NKAIN3: variants seen among roughly 807,000 people sequenced by gnomAD.
NKAIN3 encodes the protein sodium/potassium-transporting ATPase subunit beta-1-interacting protein 3.
A neutral mutation model predicts 30.2 loss-of-function variants in NKAIN3; 25 were observed. That is an observed-to-expected ratio of 0.83 (90% CI 0.60 to 1.16). The LOEUF (loss-of-function observed/expected upper bound fraction) is 1.16, where lower values mean the gene tolerates loss of function less well. NKAIN3 is among the 50% of genes most tolerant of loss of function. NKAIN3 has a pLI of 0.00. For missense variants in NKAIN3, 225 were observed against 254.1 expected, an observed-to-expected ratio of 0.89 and a Z score of 0.78; for synonymous variants, 91 against 89.6, an observed-to-expected ratio of 1.02 and a Z score of -0.09.
chr8:62,659,108 G>A (rs1224061508), intron 3 of NKAIN3, among the ~76,000 whole-genome samples: 5 of 152,014 alleles, frequency 3.3e-5, no homozygotes, highest in Non-Finnish European at 5.9e-5. Context: ...TTCGTCACTG[G>A]GCTTGACTAT....
chr8:62,288,304 C>G (rs1338261078), intron 1 of NKAIN3, among the ~76,000 whole-genome samples: 1 of 152,130 alleles, frequency 6.6e-6, no homozygotes, highest in Non-Finnish European at 1.5e-5. Context: ...ATGTTTGTTA[C>G]AAATGTATAC....
At chr8:62,285,915 C>A (rs1813365934) in intron 1 of NKAIN3, among the ~76,000 whole-genome samples, 1 of 152,144 alleles carries the variant, frequency 6.6e-6, no homozygotes. Context: ...ACAATTGAAT[C>A]TGTGTATTAT....
chr8:62,800,809 G>A lies in NKAIN3; in HGVS notation c.471+53680G>A, dbSNP rs368992017. The stretch of plus-strand genomic sequence containing the variant: ...CACCATGCGCAAGCTGAAGCAGGGC[G>A]AGGCATTGCCTCACTCGGGAAGTGC... On this transcript the variant is annotated intron_variant, in intron 4 of 6. Coordinates refer to ENST00000623646, the MANE Select transcript of NKAIN3 (RefSeq NM_001304533.3). Among the ~76,000 whole-genome samples, 28 of 152,330 alleles carry A rather than the reference G, an allele frequency of 1.8e-4. No homozygotes were observed. The East Asian group carries it at 3.9e-3, about 21-fold the overall frequency.
At chr8:62,815,975 G>A (rs114145976) in intron 4 of NKAIN3, among the ~76,000 whole-genome samples, 1,613 of 152,190 alleles carry the variant, frequency 0.011, 22 homozygotes, top group South Asian at 0.031. Flanking sequence ...GTACTCCCTT[G>A]TTTCTCACTG....
In NKAIN3 at chr8:62,248,909, C is replaced by G. The variant is rs913890826; in HGVS notation, c.-165C>G. 1 of 591,042 alleles carries G rather than the reference C, an allele frequency of 1.7e-6. No homozygotes were observed. Among genetic ancestry groups the G allele is most frequent in the Non-Finnish European group, 2.8e-6 (1 of 355,560 alleles). 36.6% of individuals were successfully genotyped at this position (591,042 alleles called of 1,614,324 possible). ...GACCTCGGCCCGCCCCGCCGGGAAA[C>G]TAACAAAGGCGGGCGCGAGCCCCGA... On this transcript the variant is annotated 5_prime_UTR_variant, in exon 1 of 7. Transcript: ENST00000623646.
At chr8:62,915,492 G>A (rs1174321975) in intron 4 of NKAIN3, among the ~76,000 whole-genome samples, 1 of 152,166 alleles carries the variant, frequency 6.6e-6, no homozygotes, top group East Asian at 1.9e-4. Flanking sequence ...CAGCCCTGCT[G>A]ACACCTTGAT....
intron 4 of NKAIN3, among the ~76,000 whole-genome samples, chr8:62,767,311 C>A (rs990519110): frequency 3.9e-5 from 6 of 152,102 alleles, no homozygotes; most frequent in Non-Finnish European, 7.4e-5. Context: ...CTCAATGACT[C>A]TTAACTATTG....
At chr8:62,934,912 G>C (rs932048222) in intron 5 of NKAIN3, among the ~76,000 whole-genome samples, 11 of 152,100 alleles carry the variant, frequency 7.2e-5, no homozygotes, top group African/African-American at 2.7e-4. Flanking sequence ...CTGAGCACCA[G>C]GCATTGACCT....
chr8:62,442,361 T>G (rs1805354435), intron 1 of NKAIN3, among the ~76,000 whole-genome samples: 2 of 152,030 alleles, frequency 1.3e-5, no homozygotes, highest in African/African-American at 4.8e-5. Context: ...GTTTTAGATT[T>G]CTAAATTTAT....
intron 1 of NKAIN3, among the ~76,000 whole-genome samples, chr8:62,343,624 A>G (rs1405317080): frequency 6.6e-6 from 1 of 152,008 alleles, no homozygotes; most frequent in Non-Finnish European, 1.5e-5. Context: ...AGCCTGGGCA[A>G]CACAGCAAGA....
At chr8:62,898,617 T>C (rs1309112152) in intron 4 of NKAIN3, among the ~76,000 whole-genome samples, 1 of 152,122 alleles carries the variant, frequency 6.6e-6, no homozygotes, top group Non-Finnish European at 1.5e-5. Context: ...TGTCTCAAAC[T>C]ATGAAACTAC....
chr8:62,800,949 G>A (rs1818038547), intron 4 of NKAIN3, among the ~76,000 whole-genome samples: 1 of 152,226 alleles, frequency 6.6e-6, no homozygotes, highest in Admixed American at 6.5e-5. Flanking sequence ...AAAAAACGGT[G>A]CACCAAGAGA....
rs143232299 is a variant in NKAIN3, at chr8:62,523,638, G to T, written c.55-55901G>T. Among the ~76,000 whole-genome samples, 318 of 152,194 alleles carry T rather than the reference G, an allele frequency of 2.1e-3. 4 individuals are homozygous for T. Among genetic ancestry groups the T allele is most frequent in the African/African-American group, 7.2e-3 (297 of 41,534 alleles). ...TTTTAGGAGCAGGAGAAGGAAAATG[G>T]TTAGGTCTACACTATAGGGCGCACA... On this transcript the variant is annotated intron_variant, in intron 1 of 6. Transcript: ENST00000623646.
intron 1 of NKAIN3, among the ~76,000 whole-genome samples, chr8:62,350,707 T>C (rs1176451259): frequency 6.6e-6 from 1 of 152,132 alleles, no homozygotes; most frequent in Non-Finnish European, 1.5e-5. Flanking sequence ...ATTTATTTAT[T>C]TGAGACAGAG....
intron 4 of NKAIN3, among the ~76,000 whole-genome samples, chr8:62,829,272 C>T (rs185178785): frequency 6.6e-6 from 1 of 152,228 alleles, no homozygotes; most frequent in Admixed American, 6.5e-5. Flanking sequence ...CCTAATGCAT[C>T]AGAATCTCTT....
chr8:62,760,748 C>T (rs1489323381), intron 4 of NKAIN3, among the ~76,000 whole-genome samples: 2 of 152,032 alleles, frequency 1.3e-5, no homozygotes, highest in Non-Finnish European at 2.9e-5. Flanking sequence ...GCACATTGTG[C>T]ACATGTACCC....
At chr8:62,749,667 CTTTTTTCTTTTCTTTT>C (rs1183847429) in intron 4 of NKAIN3, among the ~76,000 whole-genome samples, 1 of 110,150 alleles carries the variant, frequency 9.1e-6, no homozygotes, top group African/African-American at 3.1e-5. Context: ...TAGAATTGTG[CTTTTTTCTTTTCTTTT>C]TTTTTTTTTT....
At chr8:62,395,734 TGATA>T (rs1274916203) in intron 1 of NKAIN3, among the ~76,000 whole-genome samples, 1 of 152,188 alleles carries the variant, frequency 6.6e-6, no homozygotes, top group African/African-American at 2.4e-5. Context: ...TATCTTAATT[TGATA>T]GATATCTTAA....
chr8:62,618,519 T>C (rs964637088), intron 3 of NKAIN3, among the ~76,000 whole-genome samples: 11 of 151,930 alleles, frequency 7.2e-5, no homozygotes, highest in African/African-American at 2.7e-4. Flanking sequence ...TGGTGGACAA[T>C]TAGTTGTGGT....
Sources: allele counts gnomAD v4.1 joint callset (sites outside exome capture counted in the v4.1 genomes callset), GRCh38; gene constraint gnomAD v4.1.1; transcripts MANE v1.5; gene names NCBI Gene and HGNC (gene_info 2026-07-23, HGNC 2026-07-21).